Variants in RAC1 observed in about 807,000 individuals in gnomAD.
The protein encoded by RAC1 is ras-related C3 botulinum toxin substrate 1.
A neutral mutation model predicts 25.2 loss-of-function variants in RAC1; 2 were observed. The observed-to-expected ratio is 0.08, with a 90% CI of 0.03 to 0.25. The LOEUF (loss-of-function observed/expected upper bound fraction) is 0.25, where lower values mean the gene tolerates loss of function less well. Ranked by LOEUF, RAC1 falls within the 10% of genes least tolerant of loss-of-function variation. The pLI is 1.00. For synonymous variants in RAC1, 88 were observed against 94.0 expected (o/e 0.94, Z 0.37); for missense variants, 50 against 235.7 (o/e 0.21, Z 5.16).
intron 3 of RAC1, among the ~76,000 whole-genome samples, chr7:6,397,051 AAAAG>A (rs1191511176): frequency 1.4e-5 from 2 of 143,128 alleles, no homozygotes; most frequent in African/African-American, 2.6e-5. Flanking sequence ...AAAAAAAAAA[AAAAG>A]AAAAGAAACC....
intron 1 of RAC1, among the ~76,000 whole-genome samples, chr7:6,376,527 G>A (rs1782604052): frequency 6.9e-6 from 1 of 145,742 alleles, no homozygotes; most frequent in Admixed American, 6.9e-5. Flanking sequence ...TTTTGAGACG[G>A]GGTCTCACTC....
intron 1 of RAC1, among the ~76,000 whole-genome samples, chr7:6,379,188 A>G (rs528803570): frequency 1.2e-4 from 18 of 147,890 alleles, no homozygotes; most frequent in African/African-American, 4.5e-4. Flanking sequence ...TGCAGCCTCC[A>G]CCTCCTGGGT....
chr7:6,402,395 C>G lies in RAC1; in HGVS notation c.528C>G (p.Val176=), dbSNP rs766743661. ...TGTTTGACGAAGCGATCCGAGCAGT[C>G]CTCTGCCCGCCTCCCGTGAAGAAGA... ...KTVFDEAIRA[V]LCPPPVKKRK... Residue 176 remains valine, a synonymous_variant, in exon 6 of 6, where the codon GTC becomes GTG. Transcript: ENST00000348035. 3 of 1,610,884 alleles carry G rather than the reference C, an allele frequency of 1.9e-6. No homozygotes were observed. The highest frequency in any genetic ancestry group is 1.3e-5 in the African/African-American group (1 of 74,668).
chr7:6,400,806 A>G (rs836550), intron 4 of RAC1, among the ~76,000 whole-genome samples: 71,364 of 151,552 alleles, frequency 0.47, 17,422 homozygotes, highest in East Asian at 0.81. Flanking sequence ...CTCCCGAGTA[A>G]CTGGGATTAC....
chr7:6,394,316 GT>G (rs769451188), intron 3 of RAC1, among the ~76,000 whole-genome samples: 1 of 152,140 alleles, frequency 6.6e-6, no homozygotes, highest in Non-Finnish European at 1.5e-5. Context: ...TGCCCTTCAG[GT>G]TTTTATTTCC....
At chr7:6,400,842 A>G (rs745697111) in intron 4 of RAC1, among the ~76,000 whole-genome samples, 6 of 151,700 alleles carry the variant, frequency 4.0e-5, no homozygotes, top group African/African-American at 7.3e-5. Context: ...CGCCCGGCTA[A>G]TTTTGTATTT....
intron 2 of RAC1, among the ~76,000 whole-genome samples, chr7:6,390,305 AAAT>A (rs1783055426): frequency 6.6e-6 from 1 of 151,720 alleles, no homozygotes; most frequent in African/African-American, 2.4e-5. Flanking sequence ...CATTTAATGT[AAAT>A]AATACCACCT....
chr7:6,388,089 C>T (rs1308856847), intron 2 of RAC1, among the ~76,000 whole-genome samples: 1 of 152,040 alleles, frequency 6.6e-6, no homozygotes, highest in Non-Finnish European at 1.5e-5. Flanking sequence ...GTGGAATTGG[C>T]TATTGAATTG....
chr7:6,387,658 G>A (rs1782960055), intron 2 of RAC1, among the ~76,000 whole-genome samples: 1 of 152,010 alleles, frequency 6.6e-6, no homozygotes, highest in South Asian at 2.1e-4. Context: ...CGTGGAGGCG[G>A]AGGTTGCAGT....
intron 1 of RAC1, among the ~76,000 whole-genome samples, chr7:6,386,713 G>A (rs1453315802): frequency 2.7e-5 from 4 of 150,892 alleles, no homozygotes; most frequent in South Asian, 4.2e-4. Context: ...GAACCTGGGA[G>A]GCAGAGGTTG....
chr7:6,382,543 T>A (rs1782798217), intron 1 of RAC1, among the ~76,000 whole-genome samples: 1 of 152,156 alleles, frequency 6.6e-6, no homozygotes, highest in African/African-American at 2.4e-5. Flanking sequence ...CACTAAAGTT[T>A]ACCCTACTCT....
intron 1 of RAC1, among the ~76,000 whole-genome samples, chr7:6,383,045 C>G (rs1396868678): frequency 6.6e-6 from 1 of 152,204 alleles, no homozygotes; most frequent in Non-Finnish European, 1.5e-5. Context: ...TTTCTTCCAG[C>G]CGACTCATGT....
rs183208469 is a variant in RAC1, at chr7:6,403,614, A to T, written c.*1168A>T. 2 of 213,604 alleles carry T rather than the reference A, an allele frequency of 9.4e-6. No homozygotes were observed. The highest frequency in any genetic ancestry group is 1.2e-4 in the Admixed American group (2 of 17,156). The allele number at this position is 213,604 out of a possible 1,614,324, so 13.2% of individuals were successfully genotyped here. On this transcript the variant is annotated 3_prime_UTR_variant, in exon 6 of 6. Coordinates refer to ENST00000348035, the MANE Select transcript of RAC1 (RefSeq NM_006908.5). The stretch of plus-strand genomic sequence containing the variant: ...CTTTATAGTTTTTAAAATATTTTAG[A>T]TAATTCTTAAACTATGAACCTTCTT...
At chr7:6,386,119 A>C (rs564215381) in intron 1 of RAC1, among the ~76,000 whole-genome samples, 1 of 152,322 alleles carries the variant, frequency 6.6e-6, no homozygotes, top group African/African-American at 2.4e-5. Context: ...ACCCATTGCC[A>C]GTTGTGCAGG....
chr7:6,388,246 G>A (rs915973692), intron 2 of RAC1, among the ~76,000 whole-genome samples: 2 of 151,640 alleles, frequency 1.3e-5, no homozygotes, highest in South Asian at 2.1e-4. Flanking sequence ...GGGAGGTGTC[G>A]CCTCCTCCCC....
In RAC1 at chr7:6,402,566, A is replaced by T; in HGVS notation, c.*120A>T. ...CGGTGGAGCCTTCGCACTCAATGCC[A>T]ACTTTTTGTTACAGATTAATTTTTC... On this transcript the variant is annotated 3_prime_UTR_variant, in exon 6 of 6. Transcript: ENST00000348035. 1 of 982,556 alleles carries T rather than the reference A, an allele frequency of 1.0e-6. No homozygotes were observed. The highest frequency in any genetic ancestry group is 1.3e-6 in the Non-Finnish European group (1 of 748,590). 60.9% of individuals were successfully genotyped at this position (982,556 alleles called of 1,614,324 possible).
chr7:6,377,010 C>G (rs1392780870), intron 1 of RAC1, among the ~76,000 whole-genome samples: 2 of 151,894 alleles, frequency 1.3e-5, no homozygotes, highest in African/African-American at 4.8e-5. Context: ...AAGCACATCC[C>G]CCACCTCCCA....
chr7:6,391,598 G>T, intron 2 of RAC1: 1 of 309,000 alleles, frequency 3.2e-6, no homozygotes, highest in Admixed American at 4.7e-5. Flanking sequence ...TTGAAAGCGG[G>T]GCTAATTGTA....
intron 3 of RAC1, among the ~76,000 whole-genome samples, chr7:6,393,656 G>GT (rs1174405614): frequency 6.6e-6 from 1 of 152,212 alleles, no homozygotes; most frequent in East Asian, 1.9e-4. Flanking sequence ...TTTCCTCTGT[G>GT]TGAGACTGTG....
Sources: gnomAD v4.1 joint callset for allele counts (sites outside exome capture counted in the v4.1 genomes callset) on GRCh38, gnomAD v4.1.1 for gene constraint, MANE v1.5 for transcripts, NCBI Gene and HGNC (gene_info 2026-07-23, HGNC 2026-07-21) for gene names.